Variants in RCN3 observed in about 807,000 individuals in gnomAD.
RCN3 encodes reticulocalbin 3, also known as reticulocalbin-3.
In RCN3, 41 loss-of-function variants were observed where a neutral mutation model predicts 35.9. The observed-to-expected ratio is 1.14, with a 90% CI of 0.89 to 1.48. RCN3 has a LOEUF of 1.48. RCN3 is among the 40% of genes most tolerant of loss of function. The probability of loss-of-function intolerance (pLI) is 0.00; values close to 1 mark genes in which losing one functional copy is unlikely to be tolerated. For missense variants in RCN3, 451 were observed against 471.3 expected (o/e 0.96, Z 0.40); for synonymous variants, 187 against 193.4 (o/e 0.97, Z 0.27).
intron 4 of RCN3, among the ~76,000 whole-genome samples, chr19:49,538,223 T>C (rs2080146312): frequency 6.7e-6 from 1 of 150,344 alleles, no homozygotes; most frequent in Admixed American, 6.7e-5. Flanking sequence ...AGTGCAGTGA[T>C]GCGATCTCGG....
In RCN3 at chr19:49,542,631, G is replaced by A. The variant is rs543008006; in HGVS notation, c.758G>A (p.Arg253Gln). The A allele has an allele frequency of 2.5e-5, 40 of 1,607,098 alleles. No homozygotes were observed. The highest frequency in any genetic ancestry group is 4.5e-5 in the East Asian group (2 of 44,644). Residue 253 changes from arginine to glutamine, a missense_variant, in exon 6 of 7, where the codon CGG becomes CAG. By Grantham distance (43) the Arg-to-Gln change is conservative. Transcript: ENST00000270645. The stretch of plus-strand genomic sequence containing the variant: ...GAGAGGCAGCAGTTCCGGGACTTCC[G>A]GGATCTGAACAAGGATGGGCACCTG... ...QTERQQFRDF[R>Q]DLNKDGHLDG...
At chr19:49,538,785 A>G (rs2080149129) in intron 4 of RCN3, among the ~76,000 whole-genome samples, 1 of 152,102 alleles carries the variant, frequency 6.6e-6, no homozygotes, top group Admixed American at 6.6e-5. Flanking sequence ...AACATAAAGG[A>G]GCTTCTCCCC....
chr19:49,534,105 C>G, intron 2 of RCN3, 88 bp from the exon 3 acceptor site: 1 of 1,253,268 alleles, frequency 8.0e-7, no homozygotes, highest in Non-Finnish European at 1.0e-6. Flanking sequence ...AGCCCCGGAT[C>G]CGAAGTGTCC....
rs771946720 is a variant in RCN3, at chr19:49,528,483, G to A, written c.11G>A (p.Arg4Gln). The A allele has an allele frequency of 4.0e-6, 6 of 1,505,940 alleles. No homozygotes were observed. Among genetic ancestry groups the A allele is most frequent in the South Asian group, 2.7e-5 (2 of 75,012 alleles). The allele number at this position is 1,505,940 out of a possible 1,614,324, so 93.3% of individuals were successfully genotyped here. The change falls in exon 2 of 7, where the codon CGA becomes CAA. Residue 4 changes from arginine (R) to glutamine (Q), a missense_variant. Transcript: ENST00000270645. ...ACTCCCCAGGGACCGATGATGTGGC[G>A]ACCATCAGTTCTGCTGCTTCTGTTG... MMWRPSVLLLLLLL... is the reference protein window; with the variant it reads MMWQPSVLLLLLLL...
At position 49,528,505 on chromosome 19, in the gene RCN3, G is replaced by C; in HGVS notation, c.33G>C (p.Leu11=). Residue 11 remains leucine, a synonymous_variant, in exon 2 of 7, where the codon CTG becomes CTC. Transcript: ENST00000270645. MMWRPSVLLL[L]LLLRHGAQGK... ...GGCGACCATCAGTTCTGCTGCTTCT[G>C]TTGCTACTGAGGCACGGGGCCCAGG... is the stretch of plus-strand genomic sequence containing the variant. The C allele has an allele frequency of 6.5e-7, 1 of 1,538,482 alleles. No homozygotes were observed. The highest frequency in any genetic ancestry group is 8.7e-7 in the Non-Finnish European group (1 of 1,143,882).
chr19:49,529,532 C>A (rs945275782), intron 2 of RCN3, among the ~76,000 whole-genome samples: 1 of 152,218 alleles, frequency 6.6e-6, no homozygotes, highest in African/African-American at 2.4e-5. Context: ...TTATCGAGCA[C>A]CTGCTATGTG....
chr19:49,529,270 T>C (rs1387022205), intron 2 of RCN3, among the ~76,000 whole-genome samples: 5 of 152,166 alleles, frequency 3.3e-5, no homozygotes, highest in East Asian at 3.9e-4. Context: ...TATTCTTTTG[T>C]CCCAGACATC....
chr19:49,537,760 A>G (rs1314147021), intron 4 of RCN3, among the ~76,000 whole-genome samples: 6 of 151,756 alleles, frequency 4.0e-5, no homozygotes, highest in African/African-American at 1.2e-4. Flanking sequence ...CAGCCTCCCA[A>G]AGTGCTAGGA....
At chr19:49,540,444 C>T (rs1257188146) in intron 5 of RCN3, among the ~76,000 whole-genome samples, 1 of 151,944 alleles carries the variant, frequency 6.6e-6, no homozygotes, top group African/African-American at 2.4e-5. Flanking sequence ...CCAGCCTGGC[C>T]AAGATGGTGT....
At chr19:49,531,796 ATTG>A (rs1288294495) in intron 2 of RCN3, among the ~76,000 whole-genome samples, 1 of 151,978 alleles carries the variant, frequency 6.6e-6, no homozygotes, top group Non-Finnish European at 1.5e-5. Context: ...GTGCTTTATT[ATTG>A]TTATTATTAT....
At chr19:49,528,764 G>C (rs2080094456) in intron 2 of RCN3, 50 bp downstream of exon 2, 1 of 1,474,072 alleles carries the variant, frequency 6.8e-7, no homozygotes, top group Admixed American at 2.5e-5. Flanking sequence ...GCTTAGGAGA[G>C]AGACGCGGGG....
At chr19:49,538,505 T>A (rs1289670636) in intron 4 of RCN3, among the ~76,000 whole-genome samples, 1 of 151,224 alleles carries the variant, frequency 6.6e-6, no homozygotes, top group East Asian at 2.0e-4. Context: ...AGAGACAGGG[T>A]CTCGCCATGT....
rs996085773 is a variant in RCN3, at chr19:49,536,925, A to T, written c.446-108A>T. 20 of 1,077,344 alleles carry T rather than the reference A, an allele frequency of 1.9e-5. No homozygotes were observed. The East Asian group carries it at 5.0e-4, about 27-fold the overall frequency. The allele number at this position is 1,077,344 out of a possible 1,614,324, so 66.7% of individuals were successfully genotyped here. On this transcript the variant is annotated intron_variant, in intron 3 of 6. Coordinates refer to ENST00000270645, the MANE Select transcript of RCN3 (RefSeq NM_020650.3). The stretch of plus-strand genomic sequence containing the variant: ...CCAGCCTACTGATATATACTTATTA[A>T]CTCCACAGAAATCTTTGTACCCCAG...
At chr19:49,542,510 C>G in intron 5 of RCN3, 43 bp from the exon 6 acceptor site, 2 of 1,464,544 alleles carry the variant, frequency 1.4e-6, no homozygotes, top group Non-Finnish European at 9.3e-7. Context: ...CACTAGACCC[C>G]CAGAGCTGCC....
intron 3 of RCN3, among the ~76,000 whole-genome samples, chr19:49,534,910 CCTGA>C (rs1277627980): frequency 6.6e-6 from 1 of 152,086 alleles, no homozygotes; most frequent in Non-Finnish European, 1.5e-5. Flanking sequence ...TTACTCAGCC[CCTGA>C]CTCTCAGATC....
At chr19:49,542,502 C>G (rs2080167265) in intron 5 of RCN3, 51 bp from the exon 6 acceptor site, 1 of 1,395,520 alleles carries the variant, frequency 7.2e-7, no homozygotes. Context: ...CCCAGCTCCA[C>G]TAGACCCCCA....
At chr19:49,531,278 C>T (rs78357218) in intron 2 of RCN3, among the ~76,000 whole-genome samples, 2,660 of 152,194 alleles carry the variant, frequency 0.017, 188 homozygotes, top group East Asian at 0.16. Flanking sequence ...AAAATCATGC[C>T]GCTGCACTCC....
At chr19:49,541,643 G>A (rs1196468206) in intron 5 of RCN3, among the ~76,000 whole-genome samples, 1 of 152,018 alleles carries the variant, frequency 6.6e-6, no homozygotes, top group African/African-American at 2.4e-5. Flanking sequence ...CAGCTACTTG[G>A]GAGGCTGAGG....
At chr19:49,536,996 A>C (rs374826539) in intron 3 of RCN3, 37 bp from the exon 4 acceptor site, 36 of 1,471,892 alleles carry the variant, frequency 2.4e-5, no homozygotes, top group Non-Finnish European at 3.0e-5. Context: ...CGTTTCCTCC[A>C]TTAAAGCTCA....
Sources: allele counts gnomAD v4.1 joint callset (sites outside exome capture counted in the v4.1 genomes callset), GRCh38; gene constraint gnomAD v4.1.1; transcripts MANE v1.5; gene names NCBI Gene and HGNC (gene_info 2026-07-23, HGNC 2026-07-21).